ZDHHC18: variants seen among roughly 807,000 people sequenced by gnomAD.
The protein encoded by ZDHHC18 is zDHHC palmitoyltransferase 18.
A neutral mutation model predicts 37.5 loss-of-function variants in ZDHHC18; 23 were observed. That is an observed-to-expected ratio of 0.61 (90% CI 0.44 to 0.87). ZDHHC18 has a LOEUF of 0.87. Ranked by LOEUF, ZDHHC18 falls within the 40% of genes least tolerant of loss-of-function variation. The pLI is 0.00. For missense variants in ZDHHC18, 406 were observed against 525.6 expected (o/e 0.77, Z 2.22); for synonymous variants, 185 against 218.7 (o/e 0.85, Z 1.36).
intron 1 of ZDHHC18, among the ~76,000 whole-genome samples, chr1:26,828,095 A>G (rs1413766634): frequency 6.6e-6 from 1 of 152,136 alleles, no homozygotes; most frequent in East Asian, 1.9e-4. Flanking sequence ...TGGCCCACAC[A>G]TAATCTCCAT....
chr1:26,853,270 C>G (rs1185965697), intron 7 of ZDHHC18: 1 of 243,026 alleles, frequency 4.1e-6, no homozygotes, highest in Non-Finnish European at 8.1e-6. Context: ...ATCCTGACAC[C>G]AGGGGGCACC....
At position 26,854,995 on chromosome 1, in the gene ZDHHC18, T is replaced by C. The variant is rs1423277437; in HGVS notation, c.*1152T>C. On this transcript the variant is annotated 3_prime_UTR_variant, in exon 8 of 8. Coordinates refer to ENST00000374142, the MANE Select transcript of ZDHHC18 (RefSeq NM_032283.3). This position sits in a 1 kb window ranked among gnomAD's most constrained non-coding sequence, Gnocchi z 4.6. ...ACGTGCACTGGTCACGAGAAAACCCTGGGCTCCCACTGGGGCTCAGCCCAG... is the reference window on the plus strand; with the variant it reads ...ACGTGCACTGGTCACGAGAAAACCCCGGGCTCCCACTGGGGCTCAGCCCAG... 6.6e-6 allele frequency: 1 copy of C among 152,290 alleles called. No homozygotes were observed. Among genetic ancestry groups the C allele is most frequent in the Non-Finnish European group, 1.5e-5 (1 of 68,096 alleles). 9.4% of individuals were successfully genotyped at this position (152,290 alleles called of 1,614,324 possible).
At position 26,856,041 on chromosome 1, in the gene ZDHHC18, A is replaced by T. The variant is rs776925024; in HGVS notation, c.*2198A>T. 19 of 349,962 alleles carry T rather than the reference A, an allele frequency of 5.4e-5. No individual in the cohort carries two copies. The highest frequency in any genetic ancestry group is 9.9e-5 in the Non-Finnish European group (16 of 162,176). The allele number at this position is 349,962 out of a possible 1,614,324, so 21.7% of individuals were successfully genotyped here. On this transcript the variant is annotated 3_prime_UTR_variant, in exon 8 of 8. Coordinates refer to ENST00000374142, the MANE Select transcript of ZDHHC18 (RefSeq NM_032283.3). This position sits in a 1 kb window ranked among gnomAD's most constrained non-coding sequence, Gnocchi z 5.2. Reference sequence around the variant, plus strand: ...TACTGCCTTTCCACTCCGATCCCCAATGAGTGCCCAGCTAAGAAAATGTTT... The same window carrying T: ...TACTGCCTTTCCACTCCGATCCCCATTGAGTGCCCAGCTAAGAAAATGTTT...
At position 26,850,515 on chromosome 1, in the gene ZDHHC18, A is replaced by G; in HGVS notation, c.785-43A>G. The G allele has an allele frequency of 6.2e-7, 1 of 1,614,186 alleles. No individual in the cohort carries two copies. Among genetic ancestry groups the G allele is most frequent in the Non-Finnish European group, 8.5e-7 (1 of 1,180,016 alleles). On this transcript the variant is annotated intron_variant, in intron 4 of 7. Transcript: ENST00000374142. The surrounding 1 kb of genome is among the most constrained non-coding windows in gnomAD (Gnocchi z 6.1). ...CAAGGGTCAGCAAGCTTCAGCAGTC[A>G]CTGTCCCTCTGAGCTTGTCCTCTCC...
rs938740008 is a variant in ZDHHC18, at chr1:26,856,943, C to T, written c.*3100C>T. On this transcript the variant is annotated 3_prime_UTR_variant, in exon 8 of 8. Coordinates refer to ENST00000374142, the MANE Select transcript of ZDHHC18 (RefSeq NM_032283.3). The surrounding 1 kb of genome is among the most constrained non-coding windows in gnomAD (Gnocchi z 5.2). The stretch of plus-strand genomic sequence containing the variant: ...CCAGGCACCCGGCACCTCCACCTGC[C>T]TAACCTGTGGCCCATCTGCCACCAT... The T allele has an allele frequency of 6.5e-6, 1 of 153,274 alleles. No individual in the cohort carries two copies. The highest frequency in any genetic ancestry group is 2.0e-4 in the South Asian group (1 of 4,880). 9.5% of individuals were successfully genotyped at this position (153,274 alleles called of 1,614,324 possible).
intron 1 of ZDHHC18, among the ~76,000 whole-genome samples, chr1:26,829,105 T>C (rs768551822): frequency 2.4e-4 from 37 of 152,124 alleles, no homozygotes; most frequent in Non-Finnish European, 4.7e-4. Context: ...CTTGTCCTCA[T>C]TGGGGGCTGG....
intron 6 of ZDHHC18, among the ~76,000 whole-genome samples, chr1:26,852,376 C>T (rs1171847762): frequency 6.6e-6 from 1 of 152,258 alleles, no homozygotes; most frequent in Non-Finnish European, 1.5e-5. Context: ...AGGACTCAGG[C>T]TCAGCGAAGT....
chr1:26,830,213 C>G lies in ZDHHC18; in HGVS notation c.336-2234C>G, dbSNP rs188381349. On this transcript the variant is annotated intron_variant, in intron 1 of 7. Transcript: ENST00000374142. ...TGGTTGATCTCAGGCCTCCCAGGGC[C>G]CCGTCATCTCCTTACCTGATCAGGT... 1.7e-4 allele frequency among the ~76,000 whole-genome samples: 26 copies of G among 152,264 alleles called. No individual in the cohort carries two copies. The East Asian group carries it at 2.5e-3, about 15-fold the overall frequency.
intron 7 of ZDHHC18, among the ~76,000 whole-genome samples, 155 bp from the exon 8 acceptor site, chr1:26,853,571 G>A (rs2081717793): frequency 6.6e-6 from 1 of 152,244 alleles, no homozygotes; most frequent in African/African-American, 2.4e-5. Flanking sequence ...CCAGAGGTAA[G>A]AGTCTTGGGC....
At chr1:26,849,353 G>C (rs1049908423) in intron 3 of ZDHHC18, among the ~76,000 whole-genome samples, 1 of 152,150 alleles carries the variant, frequency 6.6e-6, no homozygotes, top group African/African-American at 2.4e-5. Flanking sequence ...AGAGGGTGTT[G>C]TAAGGGAAAT....
At chr1:26,846,144 GTA>G (rs1173669314) in intron 2 of ZDHHC18, among the ~76,000 whole-genome samples, 1 of 145,984 alleles carries the variant, frequency 6.9e-6, no homozygotes, top group East Asian at 2.0e-4. Context: ...ATATATGTGT[GTA>G]TATATATACA....
chr1:26,848,542 CCTGCTGGGG>C, intron 2 of ZDHHC18, 57 bp from the exon 3 acceptor site: 1 of 1,570,238 alleles, frequency 6.4e-7, no homozygotes, highest in Non-Finnish European at 8.7e-7. Context: ...GTAGCTTTCC[CCTGCTGGGG>C]ATCCGGGCCC....
At chr1:26,837,030 CA>C (rs1390450972) in intron 2 of ZDHHC18, among the ~76,000 whole-genome samples, 2 of 147,824 alleles carry the variant, frequency 1.4e-5, no homozygotes, top group Non-Finnish European at 3.0e-5. Context: ...AGGTGGATCA[CA>C]AGGTCAGGAG....
In ZDHHC18 at chr1:26,828,553, A is replaced by G. The variant is rs144425033; in HGVS notation, c.335+1414A>G. Among the ~76,000 whole-genome samples, 195 of 152,194 alleles carry G rather than the reference A, an allele frequency of 1.3e-3. 2 individuals carry two copies. The East Asian group carries it at 0.035, about 27-fold the overall frequency. On this transcript the variant is annotated intron_variant, in intron 1 of 7. Transcript: ENST00000374142. ...AAACACTTCCCAAGGGCATGTGGCC[A>G]TGGTAAGGCTATCATAGAGACACCC...
chr1:26,826,815 G>C lies in ZDHHC18; in HGVS notation c.11G>C (p.Cys4Ser). Residue 4 changes from cysteine (C) to serine (S), a missense_variant, in exon 1 of 8, where the codon TGC (cysteine) becomes TCC (serine). Cys to Ser is a moderately radical substitution (Grantham distance 112). Transcript: ENST00000374142. This position sits in a 1 kb window ranked among gnomAD's most constrained non-coding sequence, Gnocchi z 5.2. MKD[C>S]EYQQISPGAA... The stretch of plus-strand genomic sequence containing the variant: ...CCCGCGGCTGGCTGCATGAAGGACT[G>C]CGAGTACCAGCAGATCAGCCCCGGG... The C allele has an allele frequency of 1.0e-6, 1 of 981,246 alleles. No homozygotes were observed. The highest frequency in any genetic ancestry group is 1.2e-6 in the Non-Finnish European group (1 of 828,408). 60.8% of individuals were successfully genotyped at this position (981,246 alleles called of 1,614,324 possible).
chr1:26,844,745 T>A (rs2081655076), intron 2 of ZDHHC18, among the ~76,000 whole-genome samples: 1 of 152,210 alleles, frequency 6.6e-6, no homozygotes. Flanking sequence ...AGTAGCATAT[T>A]GTGGTCTTAA....
Position 26,850,475 on chromosome 1 carries a change from G to A in ZDHHC18, c.784+37G>A. On this transcript the variant is annotated intron_variant, in intron 4 of 7. Transcript: ENST00000374142. The surrounding 1 kb of genome is among the most constrained non-coding windows in gnomAD (Gnocchi z 6.1). Reference sequence around the variant, plus strand: ...GTGAGGGCAGTGGGGAGTGGAAGGGGTCAGCCAGCAAGCTCAAGGGTCAGC... The same window carrying A: ...GTGAGGGCAGTGGGGAGTGGAAGGGATCAGCCAGCAAGCTCAAGGGTCAGC... 1.2e-6 allele frequency: 2 copies of A among 1,614,216 alleles called. No individual in the cohort carries two copies. Among genetic ancestry groups the A allele is most frequent in the Non-Finnish European group, 1.7e-6 (2 of 1,180,032 alleles).
At chr1:26,833,641 A>G (rs1244897640) in intron 2 of ZDHHC18, among the ~76,000 whole-genome samples, 4 of 152,048 alleles carry the variant, frequency 2.6e-5, no homozygotes, top group Admixed American at 2.6e-4. Flanking sequence ...GTGGCGGGGT[A>G]CTGGGCCAGG....
chr1:26,839,613 T>G (rs1242798730), intron 2 of ZDHHC18, among the ~76,000 whole-genome samples: 1 of 152,246 alleles, frequency 6.6e-6, no homozygotes, highest in East Asian at 1.9e-4. Context: ...CTTTCCCATC[T>G]GTAACTCACA....
Sources: gnomAD v4.1 joint callset for allele counts (sites outside exome capture counted in the v4.1 genomes callset) on GRCh38, gnomAD v4.1.1 for gene constraint, Gnocchi (gnomAD v3.1) non-coding constraint, MANE v1.5 for transcripts, NCBI Gene and HGNC (gene_info 2026-07-23, HGNC 2026-07-21) for gene names.